The following RASGRP1 variants were observed in gnomAD, a reference collection of about 807,000 sequenced individuals.
The protein encoded by RASGRP1 is RAS guanyl-releasing protein 1.
RASGRP1 carries 37 observed loss-of-function variants against 95.1 expected under a neutral mutation model. That is an observed-to-expected ratio of 0.39 (90% CI 0.30 to 0.51). RASGRP1 has a LOEUF of 0.51. RASGRP1 is among the 20% of genes least tolerant of loss of function. The pLI is 0.80. For missense variants in RASGRP1, 711 were observed against 965.4 expected (o/e 0.74, Z 3.49); for synonymous variants, 325 against 353.4 (o/e 0.92, Z 0.90).
At position 38,543,648 on chromosome 15, in the gene RASGRP1, C is replaced by CTT. The variant is rs11450286; in HGVS notation, c.220+16171_220+16172dup. Reference sequence around the variant, plus strand: ...CTGACCTTTCTTTTTTTCTTTTTTTCTTTTTTTTTTTTTGCATCCACTATA... The same window carrying CTT: ...CTGACCTTTCTTTTTTTCTTTTTTTCTTTTTTTTTTTTTTTGCATCCACTATA... On this transcript the variant is annotated intron_variant, in intron 2 of 16. Transcript: ENST00000310803. 8.7e-3 allele frequency among the ~76,000 whole-genome samples: 432 copies of CTT among 49,504 alleles called. 6 individuals are homozygous for CTT. The highest frequency in any genetic ancestry group is 0.021 in the African/African-American group (412 of 19,398). The allele number at this position is 49,504 out of a possible 152,430, so 32.5% of individuals were successfully genotyped here. A position where few individuals can be genotyped will look rare whatever the true frequency, so the allele number is the denominator to read the frequency against.
In RASGRP1 at chr15:38,512,870, G is replaced by A. The variant is rs748897953; in HGVS notation, c.762C>T (p.Ile254=). ...MERSIALCNG[I]SQWVQLMVLS... The stretch of plus-strand genomic sequence containing the variant: ...GAACCATCAGTTGTACCCACTGGGA[G>A]ATGCCGTTGCACAGAGCAATAGATC... The change falls in exon 7 of 17, where the codon ATC becomes ATT. Residue 254 remains isoleucine, a synonymous_variant. Coordinates refer to ENST00000310803, the MANE Select transcript of RASGRP1 (RefSeq NM_005739.4). 5 of 1,613,476 alleles carry A rather than the reference G, an allele frequency of 3.1e-6. No individual in the cohort carries two copies. Among genetic ancestry groups the A allele is most frequent in the South Asian group, 1.1e-5 (1 of 90,990 alleles).
chr15:38,506,583 T>A (rs2141101179), intron 9 of RASGRP1, among the ~76,000 whole-genome samples: 1 of 139,048 alleles, frequency 7.2e-6, no homozygotes, highest in South Asian at 2.2e-4. Context: ...TGCAGTGAGC[T>A]GAGATTGCAC....
intron 1 of RASGRP1, among the ~76,000 whole-genome samples, chr15:38,561,641 G>A (rs945582955): frequency 2.6e-5 from 4 of 152,244 alleles, no homozygotes; most frequent in African/African-American, 7.2e-5. Context: ...CTGTGCAGGG[G>A]CACCCTGGCC....
intron 3 of RASGRP1, among the ~76,000 whole-genome samples, chr15:38,522,807 G>A (rs1892051759): frequency 6.6e-6 from 1 of 152,170 alleles, no homozygotes; most frequent in Non-Finnish European, 1.5e-5. Flanking sequence ...GGAACAGACT[G>A]AGGAGGCCCT....
chr15:38,543,356 T>A (rs1301981945), intron 2 of RASGRP1, among the ~76,000 whole-genome samples: 1 of 152,186 alleles, frequency 6.6e-6, no homozygotes, highest in Non-Finnish European at 1.5e-5. Context: ...TATATGTAGA[T>A]TTCTTCCAGA....
intron 2 of RASGRP1, among the ~76,000 whole-genome samples, chr15:38,545,356 G>C (rs1338117846): frequency 6.6e-6 from 1 of 152,174 alleles, no homozygotes; most frequent in East Asian, 1.9e-4. Flanking sequence ...GGTTATGACA[G>C]ATACTGCTTC....
chr15:38,539,943 G>T (rs558671141), intron 2 of RASGRP1, among the ~76,000 whole-genome samples: 2 of 152,196 alleles, frequency 1.3e-5, no homozygotes, highest in African/African-American at 4.8e-5. Flanking sequence ...TTGAGACAAG[G>T]TCTCACTCTA....
chr15:38,544,156 T>C (rs1893017785), intron 2 of RASGRP1, among the ~76,000 whole-genome samples: 1 of 152,190 alleles, frequency 6.6e-6, no homozygotes, highest in Non-Finnish European at 1.5e-5. Context: ...AGTCTTTTTC[T>C]CATCCCACCT....
At chr15:38,500,715 G>A (rs1890980360) in intron 13 of RASGRP1, among the ~76,000 whole-genome samples, 1 of 152,056 alleles carries the variant, frequency 6.6e-6, no homozygotes, top group Non-Finnish European at 1.5e-5. Context: ...AGGTTCCTCA[G>A]GACTCCAAAC....
chr15:38,503,829 C>T (rs1486351492), intron 10 of RASGRP1: 1 of 209,970 alleles, frequency 4.8e-6, no homozygotes, highest in Non-Finnish European at 9.4e-6. Flanking sequence ...TAAATACAGT[C>T]ATGCATCACT....
At chr15:38,522,456 T>C (rs1221290586) in intron 3 of RASGRP1, among the ~76,000 whole-genome samples, 2 of 152,196 alleles carry the variant, frequency 1.3e-5, no homozygotes, top group East Asian at 3.8e-4. Context: ...CTTCACACTT[T>C]CTGTGAGTTT....
In RASGRP1 at chr15:38,501,129, T is replaced by G; in HGVS notation, c.1683+14A>C. On this transcript the variant is annotated intron_variant, in intron 13 of 16. Transcript: ENST00000310803. ...CCCCAAATTCAGCCCTGGAGCACCC[T>G]AAGAACAACTTACAAATCCAGCACA... 1.3e-6 allele frequency: 2 copies of G among 1,585,300 alleles called. No homozygotes were observed. The highest frequency in any genetic ancestry group is 1.2e-5 in the South Asian group (1 of 85,150).
At chr15:38,543,809 T>G (rs184212865) in intron 2 of RASGRP1, among the ~76,000 whole-genome samples, 119 of 152,180 alleles carry the variant, frequency 7.8e-4, no homozygotes, top group African/African-American at 2.8e-3. Flanking sequence ...TCATCTTACT[T>G]TAAATCCTCC....
intron 6 of RASGRP1, among the ~76,000 whole-genome samples, chr15:38,513,865 T>C (rs1421753605): frequency 1.3e-5 from 2 of 152,206 alleles, no homozygotes; most frequent in East Asian, 1.9e-4. Flanking sequence ...TGTGACCATA[T>C]GACATGGTTC....
At chr15:38,564,537 C>A in intron 1 of RASGRP1, 57 bp downstream of exon 1, 1 of 1,306,338 alleles carries the variant, frequency 7.7e-7, no homozygotes, top group South Asian at 2.3e-5. Context: ...CGGGCAGGGG[C>A]CTCTTTCCCA....
At chr15:38,562,345 TCTACA>T (rs1274138637) in intron 1 of RASGRP1, among the ~76,000 whole-genome samples, 2 of 152,174 alleles carry the variant, frequency 1.3e-5, no homozygotes, top group Admixed American at 6.5e-5. Flanking sequence ...AAAGCCCCCT[TCTACA>T]GTGTGGAGGT....
intron 2 of RASGRP1, among the ~76,000 whole-genome samples, chr15:38,547,398 C>G (rs540462499): frequency 2.6e-5 from 4 of 152,074 alleles, no homozygotes; most frequent in East Asian, 1.9e-4. Context: ...AACCAATGAC[C>G]GATGGGACTT....
At position 38,489,111 on chromosome 15, in the gene RASGRP1, T is replaced by C. The variant is rs1136973; in HGVS notation, c.*1443A>G. 53,902 of 151,764 alleles carry C rather than the reference T, an allele frequency of 0.36. 10,201 individuals are homozygous for C. The highest frequency in any genetic ancestry group is 0.53 in the East Asian group (2,736 of 5,164). 9.4% of individuals were successfully genotyped at this position (151,764 alleles called of 1,614,324 possible). ...GTATTCTTATGAAGACTTGGTGCTATTGGCTTTAGTTTGGAACTTTTAATT... is the reference window on the plus strand; with the variant it reads ...GTATTCTTATGAAGACTTGGTGCTACTGGCTTTAGTTTGGAACTTTTAATT... On this transcript the variant is annotated 3_prime_UTR_variant, in exon 17 of 17. Transcript: ENST00000310803.
intron 2 of RASGRP1, among the ~76,000 whole-genome samples, chr15:38,544,558 C>T (rs1893033785): frequency 6.6e-6 from 1 of 152,106 alleles, no homozygotes; most frequent in African/African-American, 2.4e-5. Flanking sequence ...GAGTTTGGCC[C>T]CCTTCTTCTC....
Sources: gnomAD v4.1 joint callset for allele counts (sites outside exome capture counted in the v4.1 genomes callset) on GRCh38, gnomAD v4.1.1 for gene constraint, MANE v1.5 for transcripts, NCBI Gene and HGNC (gene_info 2026-07-23, HGNC 2026-07-21) for gene names.